Variants in TTC6 observed in about 807,000 individuals in gnomAD.
TTC6 encodes the protein tetratricopeptide repeat domain 6, also known as tetratricopeptide repeat protein 6.
TTC6 carries 172 observed loss-of-function variants against 210.4 expected under a neutral mutation model. The ratio of observed to expected loss-of-function variants is 0.82; its 90% CI spans 0.72 to 0.93. The LOEUF (loss-of-function observed/expected upper bound fraction) is 0.93. Ranked by LOEUF, TTC6 falls within the 40% of genes least tolerant of loss-of-function variation. The pLI is 0.00. For synonymous variants in TTC6, 804 were observed against 819.6 expected, an observed-to-expected ratio of 0.98 and a Z score of 0.32; for missense variants, 2,414 against 2,318.1, an observed-to-expected ratio of 1.04 and a Z score of -0.85.
At chr14:37,639,429 A>G (rs2095687293) in intron 1 of TTC6, among the ~76,000 whole-genome samples, 1 of 152,238 alleles carries the variant, frequency 6.6e-6, no homozygotes, top group Non-Finnish European at 1.5e-5. Flanking sequence ...AGCTTATGCT[A>G]GCACAAATGA....
At chr14:37,599,021 G>A (rs910182870) in intron 1 of TTC6, among the ~76,000 whole-genome samples, 2 of 150,892 alleles carry the variant, frequency 1.3e-5, no homozygotes, top group African/African-American at 2.4e-5. Context: ...CGTTAACGCG[G>A]TTCAAAGCCG....
chr14:37,635,563 A>G (rs1437315912), intron 1 of TTC6, among the ~76,000 whole-genome samples: 8 of 152,208 alleles, frequency 5.3e-5, no homozygotes, highest in Admixed American at 5.2e-4. Flanking sequence ...TGTTTTTCCA[A>G]TATGATGATA....
chr14:37,620,964 C>T (rs1311759217), upstream of TTC6, among the ~76,000 whole-genome samples: 1 of 152,204 alleles, frequency 6.6e-6, no homozygotes, highest in Non-Finnish European at 1.5e-5. Flanking sequence ...GTCAATATAT[C>T]AAGTTACTTT....
chr14:37,696,006 C>T (rs1481227867), intron 3 of TTC6, among the ~76,000 whole-genome samples: 1 of 152,122 alleles, frequency 6.6e-6, no homozygotes, highest in Non-Finnish European at 1.5e-5. Context: ...ACAGGAAATT[C>T]AGATTACCAA....
At chr14:37,669,352 G>A (rs1022619161) in intron 1 of TTC6, among the ~76,000 whole-genome samples, 2 of 152,272 alleles carry the variant, frequency 1.3e-5, no homozygotes, top group African/African-American at 4.8e-5. Context: ...TAAGTGGCAC[G>A]TGTGCACCTG....
chr14:37,732,819 C>CGTGTTAGCCAGG (rs1289755299), intron 7 of TTC6, among the ~76,000 whole-genome samples: 10 of 150,116 alleles, frequency 6.7e-5, no homozygotes, highest in Non-Finnish European at 1.0e-4. Context: ...GGGGTTTCAC[C>CGTGTTAGCCAGG]ATGGCTTCAA....
chr14:37,604,490 G>A (rs1594996202), intron 1 of TTC6, among the ~76,000 whole-genome samples: 1 of 152,220 alleles, frequency 6.6e-6, no homozygotes, highest in East Asian at 1.9e-4. Flanking sequence ...GCCTCCCCAA[G>A]AGTCTGCCTG....
intron 21 of TTC6, 112 bp downstream of exon 23, chr14:37,804,926 C>T: frequency 2.6e-6 from 3 of 1,173,744 alleles, no homozygotes; most frequent in Non-Finnish European, 3.6e-6. Flanking sequence ...TCCAAAGCTG[C>T]TTATGAAGCT....
At chr14:37,682,771 A>C (rs978777642) in exon 3 of TTC6, 2 of 1,535,478 alleles carry the variant, frequency 1.3e-6, no homozygotes, top group Non-Finnish European at 1.7e-6. Context: ...GTGCATAAGG[A>C]ACTTTCTGAA....
chr14:37,614,540 T>G (rs1007532948), intron 2 of TTC6, among the ~76,000 whole-genome samples: 2 of 152,192 alleles, frequency 1.3e-5, no homozygotes, highest in Non-Finnish European at 2.9e-5. Context: ...TCTTCATTCA[T>G]TTTTAAAGAT....
chr14:37,610,477 T>C (rs2095632485), intron 2 of TTC6, among the ~76,000 whole-genome samples: 1 of 152,186 alleles, frequency 6.6e-6, no homozygotes, highest in Non-Finnish European at 1.5e-5. Flanking sequence ...CTGCTAAGTG[T>C]ACTGAGCAAA....
chr14:37,670,076 G>A lies in TTC6; in HGVS notation c.940-10075G>A, dbSNP rs541315204. ...ATCAATCACTCTTCATCTTAATTAG[G>A]GAAGGTATATGTATTCCCTAAAATA... is the stretch of plus-strand genomic sequence containing the variant. On this transcript the variant is annotated intron_variant, in intron 1 of 30. Coordinates refer to ENST00000553443, the Ensembl canonical transcript of TTC6. Among the ~76,000 whole-genome samples, 322 of 152,180 alleles carry A rather than the reference G, an allele frequency of 2.1e-3. 3 individuals carry two copies. The highest frequency in any genetic ancestry group is 3.8e-3 in the Non-Finnish European group (259 of 68,018).
intron 21 of TTC6, among the ~76,000 whole-genome samples, chr14:37,805,224 A>C (rs2096115625): frequency 6.6e-6 from 1 of 152,236 alleles, no homozygotes; most frequent in African/African-American, 2.4e-5. Flanking sequence ...GAACAATTCA[A>C]ATCAGATTGA....
exon 1 of TTC6, chr14:37,622,759 G>C (rs1566845084): frequency 2.6e-6 from 4 of 1,535,040 alleles, no homozygotes; most frequent in East Asian, 4.9e-5. Context: ...AACTTCGTGA[G>C]CGAGAGCGGG....
At chr14:37,722,876 A>T (rs1595152041) in intron 6 of TTC6, among the ~76,000 whole-genome samples, 1 of 152,104 alleles carries the variant, frequency 6.6e-6, no homozygotes, top group East Asian at 1.9e-4. Flanking sequence ...CACACCTAAG[A>T]AGTGGGGGGT....
At chr14:37,797,089 C>CT in intron 20 of TTC6, 142 bp downstream of exon 22, 1 of 772,810 alleles carries the variant, frequency 1.3e-6, no homozygotes, top group Non-Finnish European at 1.8e-6. Flanking sequence ...TATTTTCTCT[C>CT]TTTTTTGTGC....
chr14:37,688,282 A>G (rs541767637), intron 3 of TTC6, among the ~76,000 whole-genome samples: 101 of 152,270 alleles, frequency 6.6e-4, no homozygotes, highest in African/African-American at 2.3e-3. Flanking sequence ...CTGTAGTGCA[A>G]TAGAATGCCA....
intron 15 of TTC6, among the ~76,000 whole-genome samples, chr14:37,788,694 C>T (rs919131134): frequency 6.6e-6 from 1 of 152,120 alleles, no homozygotes; most frequent in Non-Finnish European, 1.5e-5. Context: ...ACTGTTCTCT[C>T]GGCTTTGCTT....
chr14:37,779,928 A>G (rs935976662), intron 14 of TTC6, among the ~76,000 whole-genome samples: 1 of 152,196 alleles, frequency 6.6e-6, no homozygotes, highest in Admixed American at 6.5e-5. Context: ...GGTCTTTATT[A>G]TATTACAGTC....
Sources: gnomAD v4.1 joint callset for allele counts (sites outside exome capture counted in the v4.1 genomes callset) on GRCh38, gnomAD v4.1.1 for gene constraint, MANE v1.5 for transcripts, NCBI Gene and HGNC (gene_info 2026-07-23, HGNC 2026-07-21) for gene names.